The following RNF144A variants were observed in gnomAD, a reference collection of about 807,000 sequenced individuals.
The protein encoded by RNF144A is ring finger protein 144A, also known as E3 ubiquitin-protein ligase RNF144A.
A neutral mutation model predicts 38.7 loss-of-function variants in RNF144A; 11 were observed. The ratio of observed to expected loss-of-function variants is 0.28; its 90% confidence interval spans 0.18 to 0.47. The LOEUF is 0.47. RNF144A is among the 20% of genes least tolerant of loss of function. The pLI is 0.99. For missense variants in RNF144A, 316 were observed against 377.2 expected (o/e 0.84, Z 1.34); for synonymous variants, 149 against 143.9 (o/e 1.04, Z -0.25).
intron 2 of RNF144A, among the ~76,000 whole-genome samples, chr2:6,965,504 T>C (rs1667612018): frequency 6.6e-6 from 1 of 152,156 alleles, no homozygotes; most frequent in African/African-American, 2.4e-5. Context: ...CAGTGCCTTC[T>C]AGAGGGAGAA....
At position 6,922,749 on chromosome 2, in the gene RNF144A, C is replaced by T. The variant is rs1198924038; in HGVS notation, c.-212+5127C>T. Among the ~76,000 whole-genome samples, 5 of 152,018 alleles carry T rather than the reference C, an allele frequency of 3.3e-5. No homozygotes were observed. The East Asian group carries it at 5.8e-4, about 18-fold the overall frequency. On this transcript the variant is annotated intron_variant, in intron 1 of 8. Transcript: ENST00000320892. ...ACGCCATTCTCCTGCCTCAGCCTCC[C>T]GAGTAGCTGGGACTACAGGCGCCCG...
chr2:6,963,079 T>C (rs1008178540), intron 2 of RNF144A, among the ~76,000 whole-genome samples: 1 of 152,188 alleles, frequency 6.6e-6, no homozygotes, highest in Non-Finnish European at 1.5e-5. Context: ...CTTTCTATGT[T>C]TGAGATATTG....
At chr2:7,068,967 A>G (rs1674348926), downstream of RNF144A, among the ~76,000 whole-genome samples, 2 of 152,322 alleles carry the variant, frequency 1.3e-5, no homozygotes, top group Admixed American at 1.3e-4. Flanking sequence ...ACAGTGCCTT[A>G]TCTTCACAGC....
In RNF144A at chr2:7,028,269, C is replaced by T. The variant is rs528061108; in HGVS notation, c.658-1857C>T. On this transcript the variant is annotated intron_variant, in intron 7 of 8. Coordinates refer to ENST00000320892, the MANE Select transcript of RNF144A (RefSeq NM_014746.6). ...CGATGAAAGAGGATGTGAACTCATA[C>T]GTGGCCTGGCCAGAGATGCTGGAAA... is the stretch of plus-strand genomic sequence containing the variant. Among the ~76,000 whole-genome samples the T allele has an allele frequency of 2.8e-4, 43 of 152,306 alleles. No homozygotes were observed. In the South Asian group the frequency reaches 7.7e-3, roughly 27 times the overall value.
intron 2 of RNF144A, among the ~76,000 whole-genome samples, chr2:6,945,952 A>G (rs1005223641): frequency 2.0e-5 from 3 of 152,130 alleles, no homozygotes; most frequent in African/African-American, 7.2e-5. Context: ...ATTTGCCATC[A>G]GGAGGAGGTA....
At chr2:6,920,673 A>T (rs1221966591) in intron 1 of RNF144A, among the ~76,000 whole-genome samples, 3 of 152,220 alleles carry the variant, frequency 2.0e-5, no homozygotes, top group Non-Finnish European at 4.4e-5. Context: ...ATTTTCTAAC[A>T]TTGAGATCGA....
intron 2 of RNF144A, among the ~76,000 whole-genome samples, chr2:6,967,616 C>G (rs1259810233): frequency 1.3e-5 from 2 of 152,220 alleles, no homozygotes; most frequent in Non-Finnish European, 1.5e-5. Flanking sequence ...TGTCTGAGTC[C>G]TCCATGGGAT....
At position 7,028,613 on chromosome 2, in the gene RNF144A, A is replaced by T. The variant is rs1672078412; in HGVS notation, c.658-1513A>T. 3.9e-5 allele frequency among the ~76,000 whole-genome samples: 6 copies of T among 152,374 alleles called. No individual in the cohort carries two copies. The South Asian group carries it at 1.2e-3, about 32-fold the overall frequency. On this transcript the variant is annotated intron_variant, in intron 7 of 8. Transcript: ENST00000320892. ...AGAGCCTGCAGTGCAAGACATTGTG[A>T]GAGGCAGTCTGGAAAATGGAGACAT...
chr2:7,073,013 C>T (rs1422453528), downstream of RNF144A, among the ~76,000 whole-genome samples: 1 of 152,182 alleles, frequency 6.6e-6, no homozygotes, highest in African/African-American at 2.4e-5. Context: ...CCCATACATA[C>T]CATGAGACTC....
At chr2:6,965,030 T>C (rs1667571361) in intron 2 of RNF144A, among the ~76,000 whole-genome samples, 1 of 152,064 alleles carries the variant, frequency 6.6e-6, no homozygotes. Flanking sequence ...GCAAGGAGTT[T>C]AGGTATACAA....
intron 5 of RNF144A, among the ~76,000 whole-genome samples, chr2:7,015,440 T>C (rs1301528714): frequency 6.6e-6 from 1 of 152,232 alleles, no homozygotes; most frequent in African/African-American, 2.4e-5. Context: ...AGCCCTCCAC[T>C]GGGCCCTGAA....
intron 3 of RNF144A, among the ~76,000 whole-genome samples, chr2:7,008,476 TATA>T (rs1476156583): frequency 6.6e-6 from 1 of 152,198 alleles, no homozygotes; most frequent in East Asian, 1.9e-4. Flanking sequence ...AGTGGGTTCT[TATA>T]AAGCAGCCGT....
At chr2:6,971,803 A>T (rs1233240646) in intron 2 of RNF144A, among the ~76,000 whole-genome samples, 1 of 152,080 alleles carries the variant, frequency 6.6e-6, no homozygotes, top group Non-Finnish European at 1.5e-5. Context: ...GTTTCCAGTG[A>T]CCTAAGCCTG....
chr2:7,030,855 C>T (rs1162323419), intron 8 of RNF144A, among the ~76,000 whole-genome samples: 3 of 151,880 alleles, frequency 2.0e-5, no homozygotes, highest in East Asian at 1.9e-4. Context: ...GCTTGTTTTC[C>T]TGCAACTAGA....
chr2:6,930,681 T>C (rs1017321028), intron 1 of RNF144A, among the ~76,000 whole-genome samples: 11 of 152,178 alleles, frequency 7.2e-5, no homozygotes, highest in African/African-American at 2.7e-4. Context: ...AGCTTTGATC[T>C]CTGGGGCTCA....
At chr2:6,955,229 TTG>T (rs1402994998) in intron 2 of RNF144A, among the ~76,000 whole-genome samples, 1 of 152,194 alleles carries the variant, frequency 6.6e-6, no homozygotes, top group Admixed American at 6.5e-5. Flanking sequence ...GGGAGTAGTT[TTG>T]TGGTAATCCA....
intron 2 of RNF144A, among the ~76,000 whole-genome samples, chr2:6,949,745 T>A (rs1016108340): frequency 1.3e-5 from 2 of 152,218 alleles, no homozygotes; most frequent in African/African-American, 4.8e-5. Flanking sequence ...TCATTCAGGA[T>A]CTGTCTTTGC....
chr2:6,976,773 T>A (rs1317605601), intron 2 of RNF144A, among the ~76,000 whole-genome samples: 3 of 151,766 alleles, frequency 2.0e-5, no homozygotes, highest in Non-Finnish European at 4.4e-5. Context: ...CTTTGTCTGT[T>A]GTACCATCAT....
At chr2:7,036,728 C>G (rs1474342828) in intron 8 of RNF144A, among the ~76,000 whole-genome samples, 10 of 152,166 alleles carry the variant, frequency 6.6e-5, no homozygotes, top group Non-Finnish European at 1.5e-4. Flanking sequence ...CCTTCAGTTA[C>G]CTAGTTTCAG....
Sources: allele counts gnomAD v4.1 joint callset (sites outside exome capture counted in the v4.1 genomes callset), GRCh38; gene constraint gnomAD v4.1.1; transcripts MANE v1.5; gene names NCBI Gene and HGNC (gene_info 2026-07-23, HGNC 2026-07-21).